Variants in NCOA2 observed in about 807,000 individuals in gnomAD.
NCOA2 encodes nuclear receptor coactivator 2.
A neutral mutation model predicts 145.1 loss-of-function variants in NCOA2; 21 were observed. The observed-to-expected ratio is 0.14, with a 90% CI of 0.10 to 0.21. NCOA2 has a LOEUF of 0.21. Among genes scored for constraint, NCOA2 ranks in the 10% least tolerant of loss-of-function variants. The probability of loss-of-function intolerance (pLI) is 1.00; values close to 1 mark genes in which losing one functional copy is unlikely to be tolerated. For synonymous variants in NCOA2, 619 were observed against 637.5 expected (o/e 0.97, Z 0.44); for missense variants, 1,472 against 1,837.6 (o/e 0.80, Z 3.64).
chr8:70,443,419 C>T, the NCOA2 span, among the ~76,000 whole-genome samples: 1 of 151,934 alleles, frequency 6.6e-6, no homozygotes, highest in South Asian at 2.1e-4. Context: ...ATTATTATGC[C>T]TATAACTTAC....
At chr8:70,410,000 A>G in the NCOA2 span, among the ~76,000 whole-genome samples, 1 of 152,174 alleles carries the variant, frequency 6.6e-6, no homozygotes, top group Non-Finnish European at 1.5e-5. Flanking sequence ...ACCTGAGGTC[A>G]GCAGTTCGAG....
chr8:70,268,587 C>T (rs1187272738), intron 2 of NCOA2, among the ~76,000 whole-genome samples: 1 of 152,024 alleles, frequency 6.6e-6, no homozygotes, highest in East Asian at 1.9e-4. Context: ...AGATTATAGG[C>T]TCTTGTGTGA....
chr8:70,182,827 A>T (rs1000046016), intron 4 of NCOA2, among the ~76,000 whole-genome samples: 1 of 152,224 alleles, frequency 6.6e-6, no homozygotes, highest in African/African-American at 2.4e-5. Context: ...AAATTTAAAG[A>T]TCAACTGCAG....
chr8:70,138,405 T>G, intron 14 of NCOA2, 73 bp from the exon 15 acceptor site: 1 of 1,372,092 alleles, frequency 7.3e-7, no homozygotes, highest in Non-Finnish European at 9.7e-7. Flanking sequence ...TAATATAAAG[T>G]GAAATGTCTG....
chr8:70,354,137 G>C (rs1265616088), intron 1 of NCOA2, among the ~76,000 whole-genome samples: 1 of 152,124 alleles, frequency 6.6e-6, no homozygotes, highest in African/African-American at 2.4e-5. Flanking sequence ...CCATTACAGA[G>C]CATCACCAAT....
intron 1 of NCOA2, among the ~76,000 whole-genome samples, chr8:70,360,678 T>C (rs960661623): frequency 1.3e-5 from 2 of 152,034 alleles, no homozygotes; most frequent in Non-Finnish European, 2.9e-5. Context: ...TGGCTCATGA[T>C]TGTAATCCCA....
the NCOA2 span, among the ~76,000 whole-genome samples, chr8:70,421,154 G>C: frequency 6.6e-6 from 1 of 152,086 alleles, no homozygotes; most frequent in Admixed American, 6.5e-5. Flanking sequence ...CACAGCAAGT[G>C]TATTAGGTAT....
chr8:70,369,829 A>G (rs1476931132), intron 1 of NCOA2, among the ~76,000 whole-genome samples: 1 of 152,138 alleles, frequency 6.6e-6, no homozygotes, highest in Non-Finnish European at 1.5e-5. Flanking sequence ...CCTAAGGAGT[A>G]AGACAAGAAG....
At position 70,124,868 on chromosome 8, in the gene NCOA2, TAAA is replaced by T; in HGVS notation, c.3917-6_3917-4del. The T allele has an allele frequency of 7.8e-7, 1 of 1,290,204 alleles. No individual in the cohort carries two copies. The highest frequency in any genetic ancestry group is 1.0e-6 in the Non-Finnish European group (1 of 953,698). The allele number at this position is 1,290,204 out of a possible 1,614,324, so 79.9% of individuals were successfully genotyped here. ...TGGATCAGGTTGCTGACTTATTCCTTAAAAAAAAAAACAGAAACAGAAATCCAA... is the reference window on the plus strand; with the variant it reads ...TGGATCAGGTTGCTGACTTATTCCTTAAAAAAAACAGAAACAGAAATCCAA... On this transcript the variant is annotated splice_polypyrimidine_tract_variant and splice_region_variant and intron_variant, in intron 19 of 22. Coordinates refer to ENST00000452400, the MANE Select transcript of NCOA2 (RefSeq NM_006540.4).
chr8:70,432,468 C>T, the NCOA2 span, among the ~76,000 whole-genome samples: 1 of 152,084 alleles, frequency 6.6e-6, no homozygotes, highest in African/African-American at 2.4e-5. Context: ...TTGAGATCAG[C>T]CTGGGCAACA....
At chr8:70,358,019 C>T (rs894643179) in intron 1 of NCOA2, among the ~76,000 whole-genome samples, 1 of 152,008 alleles carries the variant, frequency 6.6e-6, no homozygotes, top group Non-Finnish European at 1.5e-5. Flanking sequence ...CCATTGCACT[C>T]CAGCCTGGGT....
chr8:70,151,580 G>A lies in NCOA2; in HGVS notation c.2395-3097C>T, dbSNP rs553265279. ...TGGGATTACAGGTGTGAGCCATCGC[G>A]CCCGGCCTAAATACATTTTTCTTAA... On this transcript the variant is annotated intron_variant, in intron 11 of 22. Coordinates refer to ENST00000452400, the MANE Select transcript of NCOA2 (RefSeq NM_006540.4). Among the ~76,000 whole-genome samples the A allele has an allele frequency of 9.2e-5, 14 of 152,218 alleles. No individual in the cohort carries two copies. The East Asian group carries it at 2.5e-3, about 27-fold the overall frequency.
chr8:70,210,639 C>G (rs1818917742), intron 4 of NCOA2, among the ~76,000 whole-genome samples: 1 of 152,192 alleles, frequency 6.6e-6, no homozygotes, highest in East Asian at 1.9e-4. Flanking sequence ...AAATCCTTTT[C>G]TTCTCTCCCT....
intron 12 of NCOA2, among the ~76,000 whole-genome samples, chr8:70,146,627 G>T (rs1288629698): frequency 6.6e-6 from 1 of 151,842 alleles, no homozygotes; most frequent in African/African-American, 2.4e-5. Flanking sequence ...ACAGAAAGAG[G>T]AGAAACCATA....
At chr8:70,114,995 A>G (rs933866794) in intron 22 of NCOA2, among the ~76,000 whole-genome samples, 2 of 152,182 alleles carry the variant, frequency 1.3e-5, no homozygotes, top group Non-Finnish European at 2.9e-5. Context: ...CATTTAGCAT[A>G]CTTTATAATA....
the NCOA2 span, among the ~76,000 whole-genome samples, chr8:70,444,236 A>T: frequency 6.6e-6 from 1 of 152,242 alleles, no homozygotes; most frequent in South Asian, 2.1e-4. Flanking sequence ...GATCTCAAGG[A>T]TATCTCAAAA....
At chr8:70,401,059 T>C (rs1814185897) in intron 1 of NCOA2, among the ~76,000 whole-genome samples, 1 of 152,138 alleles carries the variant, frequency 6.6e-6, no homozygotes, top group Non-Finnish European at 1.5e-5. Flanking sequence ...CTTCTGTCAG[T>C]GTGCCTAACC....
intron 1 of NCOA2, among the ~76,000 whole-genome samples, chr8:70,332,086 T>G (rs1190289523): frequency 6.6e-6 from 1 of 152,184 alleles, no homozygotes; most frequent in Non-Finnish European, 1.5e-5. Context: ...ATCAACTATT[T>G]TACTAAAAAC....
Position 70,326,473 on chromosome 8 carries a change from GCA to G in NCOA2, c.-76-29675_-76-29674del, listed in dbSNP as rs771384690. On this transcript the variant is annotated intron_variant, in intron 1 of 22. Coordinates refer to ENST00000452400, the MANE Select transcript of NCOA2 (RefSeq NM_006540.4). ...CACGTGCACACACACACACACACATGCACACACACACACACAGCTGTGATTCC... is the reference window on the plus strand; with the variant it reads ...CACGTGCACACACACACACACACATGCACACACACACACAGCTGTGATTCC... Among the ~76,000 whole-genome samples, 957 of 143,434 alleles carry G rather than the reference GCA, an allele frequency of 6.7e-3. 6 individuals carry two copies. Among genetic ancestry groups the G allele is most frequent in the African/African-American group, 0.021 (842 of 39,514 alleles). 94.1% of individuals were successfully genotyped at this position (143,434 alleles called of 152,430 possible).
Sources: allele counts gnomAD v4.1 joint callset (sites outside exome capture counted in the v4.1 genomes callset), GRCh38; gene constraint gnomAD v4.1.1; transcripts MANE v1.5; gene names NCBI Gene and HGNC (gene_info 2026-07-23, HGNC 2026-07-21).